Variants in BCL11A observed in about 807,000 individuals in gnomAD.
BCL11A encodes BCL11 transcription factor A, also known as B cell CLL/lymphoma 11A.
BCL11A carries 2 observed loss-of-function variants against 55.9 expected under a neutral mutation model. The observed-to-expected ratio is 0.04, with a 90% CI of 0.01 to 0.11. The LOEUF (loss-of-function observed/expected upper bound fraction) is 0.11, where lower values mean the gene tolerates loss of function less well. BCL11A is among the 10% of genes least tolerant of loss of function. The pLI is 1.00. For missense variants in BCL11A, 817 were observed against 1,137.1 expected (o/e 0.72, Z 4.05); for synonymous variants, 465 against 473.4 (o/e 0.98, Z 0.23).
chr2:60,512,681 T>C (rs528012138), intron 2 of BCL11A, among the ~76,000 whole-genome samples: 28 of 152,342 alleles, frequency 1.8e-4, no homozygotes, highest in African/African-American at 6.7e-4. Context: ...GCATATCTAA[T>C]TGGAGATGGT....
intron 2 of BCL11A, among the ~76,000 whole-genome samples, chr2:60,505,244 G>A (rs1227630460): frequency 6.6e-6 from 1 of 152,208 alleles, no homozygotes; most frequent in Non-Finnish European, 1.5e-5. Flanking sequence ...AAAAGCTAGA[G>A]GATCGGAGAG....
intron 2 of BCL11A, 148 bp from the exon 3 acceptor site, chr2:60,468,981 AAAG>A: frequency 1.7e-6 from 1 of 576,788 alleles, no homozygotes; most frequent in African/African-American, 2.0e-5. Flanking sequence ...GCCTGAAACA[AAAG>A]AAGAGTGGTG....
intron 2 of BCL11A, among the ~76,000 whole-genome samples, chr2:60,509,265 C>G (rs1389384841): frequency 6.6e-6 from 1 of 152,344 alleles, no homozygotes; most frequent in Non-Finnish European, 1.5e-5. Context: ...GGGCTCTGCA[C>G]TCTCCTTTCA....
intron 2 of BCL11A, among the ~76,000 whole-genome samples, chr2:60,488,874 C>T (rs1034278130): frequency 6.6e-6 from 1 of 152,224 alleles, no homozygotes; most frequent in Non-Finnish European, 1.5e-5. Flanking sequence ...ATTCTCCTGC[C>T]TCAGCCTCCC....
intron 2 of BCL11A, among the ~76,000 whole-genome samples, chr2:60,497,288 G>A (rs1679006256): frequency 6.6e-6 from 1 of 152,224 alleles, no homozygotes; most frequent in Non-Finnish European, 1.5e-5. Context: ...AAAGAGGGGG[G>A]AAAATCTTTT....
chr2:60,479,585 T>A (rs1363096639), intron 2 of BCL11A, among the ~76,000 whole-genome samples: 1 of 152,216 alleles, frequency 6.6e-6, no homozygotes, highest in Non-Finnish European at 1.5e-5. Flanking sequence ...AGATCTCAGC[T>A]GCCATCGCAC....
chr2:60,539,475 C>G (rs936944911), intron 2 of BCL11A, among the ~76,000 whole-genome samples: 4 of 152,188 alleles, frequency 2.6e-5, no homozygotes, highest in Admixed American at 2.6e-4. Flanking sequence ...CAGCAAAAGC[C>G]TTTGCTGAAA....
chr2:60,513,198 C>T (rs1668564925), intron 2 of BCL11A, among the ~76,000 whole-genome samples: 1 of 152,120 alleles, frequency 6.6e-6, no homozygotes, highest in African/African-American at 2.4e-5. Flanking sequence ...GCGGCTCTTC[C>T]CCAGAGTCAG....
chr2:60,498,598 A>C (rs1225035368), intron 2 of BCL11A, among the ~76,000 whole-genome samples: 1 of 152,214 alleles, frequency 6.6e-6, no homozygotes, highest in Admixed American at 6.5e-5. Context: ...TTTGTTTTTC[A>C]AATTTTAATA....
At chr2:60,527,657 A>C (rs912900590) in intron 2 of BCL11A, 4 of 152,208 alleles carry the variant, frequency 2.6e-5, no homozygotes, top group African/African-American at 9.7e-5. Context: ...GGACTTACCA[A>C]GTGAGCAGAG....
intron 2 of BCL11A, chr2:60,528,313 AG>A (rs1388090787): frequency 6.6e-6 from 1 of 152,436 alleles, no homozygotes; most frequent in Non-Finnish European, 1.5e-5. Flanking sequence ...TTTCTCATTC[AG>A]CCCACTGCAG....
At chr2:60,505,248 C>T (rs1018273658) in intron 2 of BCL11A, among the ~76,000 whole-genome samples, 4 of 152,164 alleles carry the variant, frequency 2.6e-5, no homozygotes, top group South Asian at 2.1e-4. Context: ...GCTAGAGGAT[C>T]GGAGAGAAAA....
At chr2:60,542,959 G>A (rs1360909853) in intron 2 of BCL11A, 1 of 151,194 alleles carries the variant, frequency 6.6e-6, no homozygotes, top group Non-Finnish European at 1.5e-5. Flanking sequence ...GAACCTAGGA[G>A]GCAGAGGTTG....
chr2:60,503,422 A>G (rs1196618303), intron 2 of BCL11A, among the ~76,000 whole-genome samples: 2 of 152,238 alleles, frequency 1.3e-5, no homozygotes, highest in Non-Finnish European at 1.5e-5. Context: ...CCTGGAAGAC[A>G]GTAGGCTATT....
intron 2 of BCL11A, chr2:60,527,064 C>G (rs1377837991): frequency 6.6e-6 from 1 of 152,188 alleles, no homozygotes; most frequent in Non-Finnish European, 1.5e-5. Flanking sequence ...TCTCACCATT[C>G]GATATTTATT....
chr2:60,540,425 C>T (rs1048590591), intron 2 of BCL11A, among the ~76,000 whole-genome samples: 6 of 152,160 alleles, frequency 3.9e-5, no homozygotes, highest in South Asian at 2.1e-4. Context: ...CATCCAGTGA[C>T]GCAATCTTGG....
chr2:60,510,253 G>A (rs1157820445), intron 2 of BCL11A, among the ~76,000 whole-genome samples: 1 of 152,114 alleles, frequency 6.6e-6, no homozygotes, highest in Non-Finnish European at 1.5e-5. Context: ...CCTGCTCTAC[G>A]TCCTTCAAGG....
chr2:60,467,929 A>G (rs868437542), intron 3 of BCL11A, among the ~76,000 whole-genome samples: 1,824 of 17,226 alleles, frequency 0.11, no homozygotes, highest in Middle Eastern at 0.15. Context: ...TGGTGGTGGT[A>G]GTGATGGTGG....
chr2:60,499,098 C>T (rs1407819707), intron 2 of BCL11A, among the ~76,000 whole-genome samples: 13 of 152,222 alleles, frequency 8.5e-5, no homozygotes, highest in Admixed American at 8.5e-4. Context: ...TGGGAGATCA[C>T]CCTACAATGT....
Sources: gnomAD v4.1 joint callset for allele counts (sites outside exome capture counted in the v4.1 genomes callset) on GRCh38, gnomAD v4.1.1 for gene constraint, MANE v1.5 for transcripts, NCBI Gene and HGNC (gene_info 2026-07-23, HGNC 2026-07-21) for gene names.